The following HS3ST4 variants were observed in gnomAD, a reference collection of about 807,000 sequenced individuals.
The protein encoded by HS3ST4 is heparan sulfate-glucosamine 3-sulfotransferase 4, also known as heparan sulfate glucosamine 3-O-sulfotransferase 4.
A neutral mutation model predicts 29.2 loss-of-function variants in HS3ST4; 17 were observed. That is an observed-to-expected ratio of 0.58 (90% CI 0.40 to 0.87). HS3ST4 has a LOEUF of 0.87. Ranked by LOEUF, HS3ST4 falls within the 40% of genes least tolerant of loss-of-function variation. The pLI, the probability that HS3ST4 is intolerant of heterozygous loss-of-function variation, is 0.00. For missense variants in HS3ST4, 627 were observed against 634.5 expected, an observed-to-expected ratio of 0.99 and a Z score of 0.13; for synonymous variants, 314 against 285.7, an observed-to-expected ratio of 1.10 and a Z score of -1.00.
intron 1 of HS3ST4, among the ~76,000 whole-genome samples, chr16:26,132,686 T>C (rs997532143): frequency 1.3e-5 from 2 of 152,208 alleles, no homozygotes; most frequent in South Asian, 4.2e-4. Flanking sequence ...AAGAGAAGCA[T>C]TGAGGTCTAA....
intron 1 of HS3ST4, among the ~76,000 whole-genome samples, chr16:26,133,604 C>A (rs530678891): frequency 6.6e-6 from 1 of 152,310 alleles, no homozygotes; most frequent in South Asian, 2.1e-4. Context: ...CAACATCCAG[C>A]TCTTTGTGAA....
intron 1 of HS3ST4, among the ~76,000 whole-genome samples, chr16:25,751,198 T>C (rs1567232657): frequency 6.6e-6 from 1 of 152,194 alleles, no homozygotes; most frequent in African/African-American, 2.4e-5. Context: ...CAATGGCTGA[T>C]TGACACAACT....
intron 1 of HS3ST4, among the ~76,000 whole-genome samples, chr16:25,964,907 T>A (rs368730869): frequency 7.9e-5 from 12 of 152,344 alleles, no homozygotes; most frequent in African/African-American, 2.9e-4. Flanking sequence ...TTTACTGAAC[T>A]GGTTACTTAG....
At chr16:25,985,244 T>A (rs1485922849) in intron 1 of HS3ST4, among the ~76,000 whole-genome samples, 3 of 152,162 alleles carry the variant, frequency 2.0e-5, no homozygotes, top group African/African-American at 7.2e-5. Flanking sequence ...TGCCTGGCAT[T>A]GGAGAGTTGT....
Position 26,135,976 on chromosome 16 carries a change from G to A in HS3ST4, c.1099G>A (p.Glu367Lys), listed in dbSNP as rs866149739. The change falls in exon 2 of 2, where the codon GAA (glutamate) becomes AAA (lysine). Residue 367 changes from glutamate to lysine, a missense_variant. Physicochemically the swap from Glu to Lys is moderately conservative, Grantham distance 56 (BLOSUM62 1). Around this residue, in one of 2 missense-constraint regions of HS3ST4, gnomAD observed 225 missense variants for 293.7 expected, o/e 0.77. Transcript: ENST00000331351. ...GCGACTCATTGTGGACCCCGCCGGG[G>A]AAATGGCCAAAGTACAGGATTTTCT... ...GERLIVDPAG[E>K]MAKVQDFLGL... 6.2e-7 allele frequency: 1 copy of A among 1,613,988 alleles called. No individual in the cohort carries two copies. The highest frequency in any genetic ancestry group is 8.5e-7 in the Non-Finnish European group (1 of 1,179,884).
At chr16:25,855,985 A>G (rs1967570724) in intron 1 of HS3ST4, among the ~76,000 whole-genome samples, 1 of 152,018 alleles carries the variant, frequency 6.6e-6, no homozygotes, top group East Asian at 1.9e-4. Flanking sequence ...TATTCCCTGG[A>G]GAGTAGCCCT....
chr16:26,031,036 A>G (rs944460634), intron 1 of HS3ST4, among the ~76,000 whole-genome samples: 1 of 152,224 alleles, frequency 6.6e-6, no homozygotes, highest in African/African-American at 2.4e-5. Flanking sequence ...GAATGAAAGT[A>G]TTAGATTTAT....
At chr16:26,021,061 G>A (rs1969407907) in intron 1 of HS3ST4, among the ~76,000 whole-genome samples, 1 of 152,122 alleles carries the variant, frequency 6.6e-6, no homozygotes, top group African/African-American at 2.4e-5. Context: ...GTTAATATTT[G>A]AACATTTGGA....
intron 1 of HS3ST4, among the ~76,000 whole-genome samples, chr16:25,903,805 C>A (rs966356485): frequency 1.3e-5 from 2 of 152,070 alleles, no homozygotes; most frequent in Non-Finnish European, 2.9e-5. Context: ...ACAATACGCA[C>A]TTTTTTGCCT....
At chr16:25,827,124 C>T (rs780486055) in intron 1 of HS3ST4, among the ~76,000 whole-genome samples, 1 of 152,152 alleles carries the variant, frequency 6.6e-6, no homozygotes, top group African/African-American at 2.4e-5. Flanking sequence ...CCAGCAGGGA[C>T]GAGACACTAG....
At chr16:25,875,870 C>T (rs1967826876) in intron 1 of HS3ST4, among the ~76,000 whole-genome samples, 2 of 152,076 alleles carry the variant, frequency 1.3e-5, no homozygotes, top group African/African-American at 4.8e-5. Flanking sequence ...CCCCTGATTC[C>T]CTGCTTCCCA....
intron 1 of HS3ST4, among the ~76,000 whole-genome samples, chr16:25,735,147 A>G (rs1368946439): frequency 6.6e-6 from 1 of 152,218 alleles, no homozygotes; most frequent in African/African-American, 2.4e-5. Context: ...CAACATGTCT[A>G]CCTGCCTGAA....
chr16:25,714,445 C>T (rs1966438606), intron 1 of HS3ST4, among the ~76,000 whole-genome samples: 1 of 152,184 alleles, frequency 6.6e-6, no homozygotes, highest in Non-Finnish European at 1.5e-5. Context: ...CATGCTGACT[C>T]ACCGCCTCCT....
At chr16:25,746,430 G>A (rs1407474220) in intron 1 of HS3ST4, among the ~76,000 whole-genome samples, 1 of 152,130 alleles carries the variant, frequency 6.6e-6, no homozygotes, top group Non-Finnish European at 1.5e-5. Flanking sequence ...ATGGAGACAT[G>A]ACTGAATATG....
intron 1 of HS3ST4, among the ~76,000 whole-genome samples, chr16:25,823,382 C>G (rs905296056): frequency 6.6e-5 from 10 of 152,114 alleles, no homozygotes; most frequent in Non-Finnish European, 1.3e-4. Flanking sequence ...ATAATGACTG[C>G]TTATTTGTCC....
chr16:25,850,006 T>G (rs1296305915), intron 1 of HS3ST4, among the ~76,000 whole-genome samples: 4 of 151,362 alleles, frequency 2.6e-5, no homozygotes, highest in Admixed American at 2.6e-4. Flanking sequence ...GATGCCTTTT[T>G]TTTTTTTTTT....
At chr16:26,103,791 G>C (rs183149896) in intron 1 of HS3ST4, among the ~76,000 whole-genome samples, 2 of 152,030 alleles carry the variant, frequency 1.3e-5, no homozygotes, top group African/African-American at 4.8e-5. Flanking sequence ...CATTCGTTTT[G>C]GTCCCTGAAA....
chr16:26,129,938 A>C (rs1198941196), intron 1 of HS3ST4, among the ~76,000 whole-genome samples: 1 of 152,162 alleles, frequency 6.6e-6, no homozygotes, highest in African/African-American at 2.4e-5. Flanking sequence ...GCTGACCTGC[A>C]TTCAAAAGTG....
At chr16:25,757,575 A>G (rs1295671398) in intron 1 of HS3ST4, among the ~76,000 whole-genome samples, 1 of 148,532 alleles carries the variant, frequency 6.7e-6, no homozygotes, top group South Asian at 2.1e-4. Context: ...TATATATAAT[A>G]TAGTAATATA....
Sources: gnomAD v4.1 joint callset for allele counts (sites outside exome capture counted in the v4.1 genomes callset) on GRCh38, gnomAD v4.1.1 for gene constraint, gnomAD v4.1.1 regional missense constraint, MANE v1.5 for transcripts, NCBI Gene and HGNC (gene_info 2026-07-23, HGNC 2026-07-21) for gene names.